NPIPB11: variants seen among roughly 807,000 people sequenced by gnomAD.
The protein encoded by NPIPB11 is nuclear pore complex-interacting protein family member B11.
Under a neutral mutation model 32.8 loss-of-function variants are expected in NPIPB11, and 17 were observed. The observed-to-expected ratio is 0.52, with a 90% CI of 0.35 to 0.78. The LOEUF is 0.78. Among genes scored for constraint, NPIPB11 ranks in the 30% least tolerant of loss-of-function variants. NPIPB11 has a pLI of 0.01. For missense variants in NPIPB11, 537 were observed against 1,000.4 expected (o/e 0.54, Z 6.25); for synonymous variants, 209 against 398.4 (o/e 0.52, Z 5.66).
chr16:29,383,629 A>C lies in NPIPB11; in HGVS notation c.1303T>G (p.Ser435Ala), dbSNP rs1175991274. The change falls in exon 8 of 8, where the codon TCT becomes GCT. Residue 435 changes from serine (S) to alanine (A), a missense_variant. By Grantham distance (99) the Ser-to-Ala change is moderately conservative (BLOSUM62 1). Transcript: ENST00000524087. ...GGAAGGGGAGTGAGCTGACGCTCAG[A>C]AGGTGTCTTGAGATTATCATCCGCT... The C allele has an allele frequency of 6.1e-5, 21 of 343,668 alleles. 1 individual carries two copies. The highest frequency in any genetic ancestry group is 1.0e-4 in the East Asian group (1 of 9,666). The allele number at this position is 343,668 out of a possible 1,614,324, so 21.3% of individuals were successfully genotyped here.
chr16:29,383,074 T>C (rs749724531), exon 8 of NPIPB11: 1 of 1,605,458 alleles, frequency 6.2e-7, no homozygotes. Context: ...CTTGATATTA[T>C]CATCTGCTGA....
chr16:29,390,979 A>C (rs1453366310), intron 3 of NPIPB11, among the ~76,000 whole-genome samples: 1 of 150,826 alleles, frequency 6.6e-6, no homozygotes, highest in African/African-American at 2.5e-5. Context: ...AAAAAAAAAA[A>C]AAAAATAGGC....
At chr16:29,401,126 G>A (rs1388306927) in intron 2 of NPIPB11, among the ~76,000 whole-genome samples, 1 of 152,146 alleles carries the variant, frequency 6.6e-6, no homozygotes, top group Non-Finnish European at 1.5e-5. Context: ...CGACACGGGG[G>A]CACTGTCAGT....
At chr16:29,402,746 G>C (rs1367160417) in intron 2 of NPIPB11, among the ~76,000 whole-genome samples, 16 of 150,530 alleles carry the variant, frequency 1.1e-4, no homozygotes, top group African/African-American at 3.0e-4. Context: ...GTGTGTGTGT[G>C]TGTGTGTGTG....
chr16:29,396,573 C>A (rs1385473800), intron 2 of NPIPB11, among the ~76,000 whole-genome samples: 5 of 149,942 alleles, frequency 3.3e-5, no homozygotes, highest in Admixed American at 6.7e-5. Context: ...ACCAGCCTGA[C>A]CAACATGGAG....
intron 4 of NPIPB11, 35 bp from the exon 5 acceptor site, chr16:29,390,171 C>T: frequency 7.2e-7 from 1 of 1,395,004 alleles, no homozygotes; most frequent in South Asian, 1.2e-5. Flanking sequence ...AGGTGAGAAA[C>T]CTGAGGGCAA....
chr16:29,405,668 T>C (rs1964098401), upstream of NPIPB11, among the ~76,000 whole-genome samples: 3 of 152,162 alleles, frequency 2.0e-5, no homozygotes, highest in Non-Finnish European at 2.9e-5. Flanking sequence ...CTAAAGGCCA[T>C]GTTATGTGTT....
chr16:29,393,470 C>A (rs1402139286), intron 3 of NPIPB11, among the ~76,000 whole-genome samples: 1 of 152,124 alleles, frequency 6.6e-6, no homozygotes, highest in Non-Finnish European at 1.5e-5. Context: ...ATCAACCACC[C>A]GGCAGTTCTA....
chr16:29,393,758 CAG>C (rs1963778146), intron 3 of NPIPB11, among the ~76,000 whole-genome samples, 188 bp downstream of exon 3: 1 of 152,160 alleles, frequency 6.6e-6, no homozygotes, highest in South Asian at 2.1e-4. Flanking sequence ...ATTAAACAAA[CAG>C]TGACCTATTT....
chr16:29,393,519 G>C (rs1465925801), intron 3 of NPIPB11, among the ~76,000 whole-genome samples: 1 of 151,870 alleles, frequency 6.6e-6, no homozygotes, highest in African/African-American at 2.4e-5. Flanking sequence ...GTTTATGCCT[G>C]TTCTATGTTT....
At chr16:29,405,261 T>A (rs1964088648), upstream of NPIPB11, among the ~76,000 whole-genome samples, 2 of 151,796 alleles carry the variant, frequency 1.3e-5, no homozygotes, top group African/African-American at 2.4e-5. Flanking sequence ...TGTGACTTTT[T>A]AAAAAATGTT....
At chr16:29,383,950 G>T (rs1596672264) in exon 8 of NPIPB11, 5 of 1,399,364 alleles carry the variant, frequency 3.6e-6, no homozygotes, top group East Asian at 2.5e-5. Flanking sequence ...CGTGTCTTGA[G>T]ATTATCATCC....
chr16:29,400,102 A>T (rs1963954053), intron 2 of NPIPB11, among the ~76,000 whole-genome samples: 2 of 151,724 alleles, frequency 1.3e-5, no homozygotes, highest in East Asian at 3.9e-4. Context: ...AAGCCCTCGG[A>T]TTTCGGTTGT....
intron 3 of NPIPB11, among the ~76,000 whole-genome samples, chr16:29,392,574 G>C (rs1963749091): frequency 6.6e-6 from 1 of 151,188 alleles, no homozygotes; most frequent in African/African-American, 2.4e-5. Flanking sequence ...GCTGGGCATG[G>C]TGGTGGGCAC....
At chr16:29,405,674 G>A (rs889473570), upstream of NPIPB11, among the ~76,000 whole-genome samples, 7 of 152,232 alleles carry the variant, frequency 4.6e-5, no homozygotes, top group Admixed American at 2.6e-4. Flanking sequence ...GCCATGTTAT[G>A]TGTTCTCCAG....
At chr16:29,390,653 T>C (rs866377692) in intron 3 of NPIPB11, among the ~76,000 whole-genome samples, 3 of 146,790 alleles carry the variant, frequency 2.0e-5, no homozygotes, top group East Asian at 2.0e-4. Flanking sequence ...CTCTGTCACA[T>C]ACACACACAC....
chr16:29,398,818 T>A (rs2142135877), intron 2 of NPIPB11, among the ~76,000 whole-genome samples: 1 of 152,104 alleles, frequency 6.6e-6, no homozygotes, highest in East Asian at 1.9e-4. Context: ...GAATTCCTCT[T>A]TGTGGCACAA....
At chr16:29,394,429 C>CTTT (rs1248252716) in intron 2 of NPIPB11, among the ~76,000 whole-genome samples, 6 of 122,348 alleles carry the variant, frequency 4.9e-5, no homozygotes, top group African/African-American at 9.4e-5. Flanking sequence ...AAAAAAACCT[C>CTTT]TTTTTTTTTT....
At chr16:29,387,978 G>A in intron 5 of NPIPB11, among the ~76,000 whole-genome samples, 1 of 9,622 alleles carries the variant, frequency 1.0e-4, no homozygotes, top group African/African-American at 2.6e-4. Context: ...GTGTGGTGCT[G>A]AGAATGCAAT....
Sources: gnomAD v4.1 joint callset for allele counts (sites outside exome capture counted in the v4.1 genomes callset) on GRCh38, gnomAD v4.1.1 for gene constraint, MANE v1.5 for transcripts, NCBI Gene and HGNC (gene_info 2026-07-23, HGNC 2026-07-21) for gene names.